The following SPAG16 variants were observed in gnomAD, a reference collection of about 807,000 sequenced individuals.
SPAG16 encodes sperm associated antigen 16, also known as sperm-associated antigen 16 protein.
SPAG16 carries 86 observed loss-of-function variants against 80.4 expected under a neutral mutation model. The observed-to-expected ratio is 1.07, with a 90% CI of 0.90 to 1.28. The LOEUF is 1.28. Among genes scored for constraint, SPAG16 ranks in the 50% most tolerant of loss-of-function variants. The pLI, the probability that SPAG16 is intolerant of heterozygous loss-of-function variation, is 0.00. For synonymous variants in SPAG16, 294 were observed against 265.9 expected, an observed-to-expected ratio of 1.11 and a Z score of -1.03; for missense variants, 870 against 765.3, an observed-to-expected ratio of 1.14 and a Z score of -1.61.
At chr2:213,697,802 A>G (rs186956903) in intron 10 of SPAG16, among the ~76,000 whole-genome samples, 143 of 152,274 alleles carry the variant, frequency 9.4e-4, no homozygotes, top group African/African-American at 3.3e-3. Context: ...GCAGGTAAAC[A>G]TGCTTAAGAG....
At chr2:213,644,481 C>T (rs759595499) in intron 10 of SPAG16, among the ~76,000 whole-genome samples, 1 of 152,152 alleles carries the variant, frequency 6.6e-6, no homozygotes, top group Non-Finnish European at 1.5e-5. Context: ...TAGTTGTAGA[C>T]ATCCTTCTTG....
intron 15 of SPAG16, among the ~76,000 whole-genome samples, chr2:214,343,372 T>C (rs1437575812): frequency 1.3e-5 from 2 of 152,156 alleles, no homozygotes; most frequent in African/African-American, 4.8e-5. Context: ...ATAATAGATC[T>C]TTCTATATTA....
chr2:214,375,032 G>C lies in SPAG16; in HGVS notation c.1721-35108G>C, dbSNP rs1452904753. ...AGATAAGCATGGTATTTGTTTGTCA[G>C]TAAAAGTTTGAATTTGGGTCTTGAA... On this transcript the variant is annotated intron_variant, in intron 15 of 15. Coordinates refer to ENST00000331683, the MANE Select transcript of SPAG16 (RefSeq NM_024532.5). Among the ~76,000 whole-genome samples the C allele has an allele frequency of 1.4e-4, 22 of 152,146 alleles. 1 individual carries two copies. The highest frequency in any genetic ancestry group is 1.4e-3 in the Admixed American group (22 of 15,256).
intron 9 of SPAG16, among the ~76,000 whole-genome samples, chr2:213,458,433 G>A (rs762104949): frequency 4.9e-4 from 75 of 152,112 alleles, no homozygotes; most frequent in Admixed American, 1.0e-3. Flanking sequence ...GTAGCTGGGC[G>A]TGGTGGTGAC....
intron 10 of SPAG16, among the ~76,000 whole-genome samples, chr2:213,860,717 C>A (rs2075418547): frequency 6.6e-6 from 1 of 151,966 alleles, no homozygotes; most frequent in South Asian, 2.1e-4. Flanking sequence ...GCCTTAACTT[C>A]TACAAATAAT....
chr2:213,513,268 G>A (rs577322154), intron 10 of SPAG16, among the ~76,000 whole-genome samples: 1 of 152,264 alleles, frequency 6.6e-6, no homozygotes, highest in South Asian at 2.1e-4. Context: ...ACCTAACGTG[G>A]TCATACACTG....
intron 12 of SPAG16, among the ~76,000 whole-genome samples, chr2:214,008,969 C>T (rs1013220062): frequency 6.6e-6 from 1 of 152,106 alleles, no homozygotes; most frequent in Non-Finnish European, 1.5e-5. Flanking sequence ...ATAGTGGAGC[C>T]TTTCTTGAAT....
intron 1 of SPAG16, among the ~76,000 whole-genome samples, chr2:213,295,198 G>A (rs1356286975): frequency 6.6e-6 from 1 of 151,868 alleles, no homozygotes; most frequent in East Asian, 1.9e-4. Context: ...TTTTAAACTT[G>A]GCATAACCGA....
At chr2:213,547,758 G>A (rs1005271984) in intron 10 of SPAG16, among the ~76,000 whole-genome samples, 1 of 151,974 alleles carries the variant, frequency 6.6e-6, no homozygotes, top group East Asian at 1.9e-4. Flanking sequence ...ATATTTTTTC[G>A]TATCCTTCGG....
intron 5 of SPAG16, among the ~76,000 whole-genome samples, chr2:213,334,485 A>T (rs1188966459): frequency 6.6e-6 from 1 of 152,206 alleles, no homozygotes; most frequent in African/African-American, 2.4e-5. Flanking sequence ...AAATCAGTAT[A>T]TCAAAGAGAT....
chr2:214,027,299 ATAT>A (rs1171040569), intron 13 of SPAG16, among the ~76,000 whole-genome samples: 1 of 151,556 alleles, frequency 6.6e-6, no homozygotes, highest in African/African-American at 2.4e-5. Flanking sequence ...ATTATTTTAA[ATAT>A]TATTGTATAA....
chr2:214,101,083 G>A (rs1022991403), intron 13 of SPAG16, among the ~76,000 whole-genome samples: 4 of 148,554 alleles, frequency 2.7e-5, no homozygotes, highest in Non-Finnish European at 6.0e-5. Context: ...TTTAATTTTG[G>A]CCTAATTTTT....
intron 9 of SPAG16, among the ~76,000 whole-genome samples, chr2:213,469,151 A>G (rs968001934): frequency 7.9e-5 from 12 of 151,964 alleles, no homozygotes; most frequent in African/African-American, 2.7e-4. Context: ...AACCATCACA[A>G]GTCAACCCCT....
At position 213,625,471 on chromosome 2, in the gene SPAG16, A is replaced by G. The variant is rs150538072; in HGVS notation, c.1070+135381A>G. On this transcript the variant is annotated intron_variant, in intron 10 of 15. Coordinates refer to ENST00000331683, the MANE Select transcript of SPAG16 (RefSeq NM_024532.5). ...CACAACAATTTAAAAAAATAAAATAAAATGACTTCTCCCCATCTGTAGATT... is the reference window on the plus strand; with the variant it reads ...CACAACAATTTAAAAAAATAAAATAGAATGACTTCTCCCCATCTGTAGATT... Among the ~76,000 whole-genome samples the G allele has an allele frequency of 4.4e-3, 672 of 152,268 alleles. 7 individuals carry two copies. Among genetic ancestry groups the G allele is most frequent in the African/African-American group, 0.015 (633 of 41,548 alleles).
At chr2:213,889,844 T>G (rs983157370) in intron 11 of SPAG16, among the ~76,000 whole-genome samples, 4 of 151,720 alleles carry the variant, frequency 2.6e-5, no homozygotes, top group Non-Finnish European at 5.9e-5. Flanking sequence ...TCTAATCAAC[T>G]AAATATCTCG....
rs773466753 is a variant in SPAG16 at position 214,014,051 on chromosome 2, A to T, written c.1501A>T (p.Thr501Ser). 2 of 1,613,224 alleles carry T rather than the reference A, an allele frequency of 1.2e-6. No homozygotes were observed. The highest frequency in any genetic ancestry group is 1.7e-6 in the Non-Finnish European group (2 of 1,179,672). The change falls in exon 13 of 16, where the codon ACC becomes TCC. Residue 501 changes from threonine to serine, a missense_variant. Transcript: ENST00000331683. The stretch of plus-strand genomic sequence containing the variant: ...TCTTCTCACAAGCTCTGCAGACAAG[A>T]CCCTGTCTATATGGGATGCAAGAAC... ...NTLLTSSADK[T>S]LSIWDARTGI...
At chr2:213,311,072 C>G (rs901994346) in intron 4 of SPAG16, among the ~76,000 whole-genome samples, 4 of 151,464 alleles carry the variant, frequency 2.6e-5, no homozygotes, top group African/African-American at 9.7e-5. Flanking sequence ...TAAGCGCAGT[C>G]AGTTTCATTA....
At chr2:214,207,966 G>A (rs1461568845) in intron 15 of SPAG16, among the ~76,000 whole-genome samples, 2 of 152,194 alleles carry the variant, frequency 1.3e-5, no homozygotes, top group Admixed American at 1.3e-4. Flanking sequence ...ACACACGGAA[G>A]TCTGCACTGT....
At chr2:214,257,368 T>A (rs557813994) in intron 15 of SPAG16, among the ~76,000 whole-genome samples, 1 of 152,128 alleles carries the variant, frequency 6.6e-6, no homozygotes, top group African/African-American at 2.4e-5. Flanking sequence ...GTGACTTTAT[T>A]TATTTCTTAT....
Sources: allele counts gnomAD v4.1 joint callset (sites outside exome capture counted in the v4.1 genomes callset), GRCh38; gene constraint gnomAD v4.1.1; transcripts MANE v1.5; gene names NCBI Gene and HGNC (gene_info 2026-07-23, HGNC 2026-07-21).